NPAS3: variants seen among roughly 807,000 people sequenced by gnomAD.
NPAS3 encodes neuronal PAS domain protein 3, also known as neuronal PAS domain-containing protein 3.
NPAS3 carries 14 observed loss-of-function variants against 73.1 expected under a neutral mutation model. The ratio of observed to expected loss-of-function variants is 0.19; its 90% CI spans 0.13 to 0.30. The LOEUF is 0.30. Among genes scored for constraint, NPAS3 ranks in the 10% least tolerant of loss-of-function variants. The probability of loss-of-function intolerance (pLI) is 1.00; values close to 1 mark genes in which losing one functional copy is unlikely to be tolerated. For missense variants in NPAS3, 1,096 were observed against 1,250.0 expected, an observed-to-expected ratio of 0.88 and a Z score of 1.86; for synonymous variants, 620 against 541.5, an observed-to-expected ratio of 1.14 and a Z score of -2.01.
intron 2 of NPAS3, among the ~76,000 whole-genome samples, chr14:33,063,694 A>G (rs958163621): frequency 1.2e-4 from 19 of 152,292 alleles, no homozygotes; most frequent in Non-Finnish European, 2.4e-4. Context: ...AGCTGCAAAT[A>G]TTTACAATCT....
intron 6 of NPAS3, chr14:33,681,067 T>A (rs1306593187): frequency 1.3e-5 from 2 of 156,368 alleles, no homozygotes; most frequent in African/African-American, 4.8e-5. Flanking sequence ...GGTAAATTGC[T>A]GACTACTCCT....
At chr14:33,197,946 G>C (rs1293423974) in intron 2 of NPAS3, among the ~76,000 whole-genome samples, 2 of 152,178 alleles carry the variant, frequency 1.3e-5, no homozygotes, top group African/African-American at 4.8e-5. Flanking sequence ...CTGATGTTCG[G>C]ACGTGTTCGG....
chr14:33,617,015 G>A (rs981318301), intron 5 of NPAS3, among the ~76,000 whole-genome samples: 6 of 152,178 alleles, frequency 3.9e-5, no homozygotes, highest in Non-Finnish European at 5.9e-5. Flanking sequence ...CTTGCCTGCA[G>A]CACCTTCACT....
At chr14:33,026,010 A>T (rs1455688900) in intron 1 of NPAS3, among the ~76,000 whole-genome samples, 1 of 152,200 alleles carries the variant, frequency 6.6e-6, no homozygotes, top group Non-Finnish European at 1.5e-5. Flanking sequence ...TTAAAATAAG[A>T]TGTTTTAATT....
At chr14:33,379,214 CTTTT>C (rs899836979) in intron 4 of NPAS3, among the ~76,000 whole-genome samples, 3 of 145,724 alleles carry the variant, frequency 2.1e-5, no homozygotes, top group Non-Finnish European at 4.5e-5. Flanking sequence ...TGGTCCCAAG[CTTTT>C]TTTTTTTCTT....
intron 4 of NPAS3, among the ~76,000 whole-genome samples, chr14:33,392,481 T>C (rs2047049572): frequency 6.6e-6 from 1 of 152,174 alleles, no homozygotes; most frequent in South Asian, 2.1e-4. Context: ...AATTGACATA[T>C]AAATTTTAAT....
chr14:33,479,297 A>G (rs978006801), intron 4 of NPAS3, among the ~76,000 whole-genome samples: 5 of 152,042 alleles, frequency 3.3e-5, no homozygotes, highest in Non-Finnish European at 7.4e-5. Flanking sequence ...TAATAAATAT[A>G]TATGCTTTGC....
intron 4 of NPAS3, among the ~76,000 whole-genome samples, chr14:33,395,456 G>A (rs190350039): frequency 7.7e-4 from 117 of 151,518 alleles, no homozygotes; most frequent in Non-Finnish European, 1.3e-3. Flanking sequence ...CACCACTTGG[G>A]ATACATTTGT....
chr14:32,969,441 G>T (rs141371675), intron 1 of NPAS3, among the ~76,000 whole-genome samples: 100 of 152,250 alleles, frequency 6.6e-4, no homozygotes, highest in Non-Finnish European at 1.1e-3. Context: ...AGGAAAAAAT[G>T]TACTAATAAT....
intron 1 of NPAS3, among the ~76,000 whole-genome samples, chr14:32,964,955 G>C (rs767808112): frequency 6.6e-6 from 1 of 152,146 alleles, no homozygotes; most frequent in Non-Finnish European, 1.5e-5. Flanking sequence ...GGGTGACAGA[G>C]CAAGACCCTG....
chr14:33,557,173 C>G (rs892822611), intron 4 of NPAS3, among the ~76,000 whole-genome samples: 4 of 96,396 alleles, frequency 4.1e-5, no homozygotes, highest in African/African-American at 1.4e-4. Flanking sequence ...AGTGAGGTTC[C>G]GCTATACTAC....
intron 4 of NPAS3, among the ~76,000 whole-genome samples, chr14:33,534,126 G>T (rs138825830): frequency 6.6e-6 from 1 of 151,098 alleles, no homozygotes; most frequent in Non-Finnish European, 1.5e-5. Context: ...ATTTACAGCC[G>T]CCTGCTGACT....
intron 1 of NPAS3, among the ~76,000 whole-genome samples, chr14:32,980,634 T>C (rs1236109820): frequency 6.6e-6 from 1 of 152,210 alleles, no homozygotes; most frequent in African/African-American, 2.4e-5. Context: ...CATGTGAAAG[T>C]CTGAATAAAA....
At chr14:33,743,930 A>C (rs898979081) in intron 7 of NPAS3, among the ~76,000 whole-genome samples, 5 of 152,230 alleles carry the variant, frequency 3.3e-5, no homozygotes, top group African/African-American at 1.2e-4. Flanking sequence ...CTCAGCCTTC[A>C]TAGAATTGAA....
chr14:33,130,922 G>T (rs2043612893), intron 2 of NPAS3, among the ~76,000 whole-genome samples: 2 of 152,082 alleles, frequency 1.3e-5, no homozygotes, highest in South Asian at 2.1e-4. Context: ...CAATTTTTCA[G>T]CCAGGACAGG....
chr14:33,800,831 A>C lies in NPAS3; in HGVS notation c.2524A>C (p.Ser842Arg). ...CGCCGAGGTGACCCTGGCCATGCAG[A>C]GCAACCTGCTGCCCAACGCGCACGC... Residue 842 changes from serine to arginine, a missense_variant, in exon 12 of 12, where the codon AGC becomes CGC. Physicochemically the swap from Ser to Arg is moderately radical, Grantham distance 110. Coordinates refer to ENST00000356141, the Ensembl canonical transcript of NPAS3. This position sits in a 1 kb window ranked among gnomAD's most constrained non-coding sequence, Gnocchi z 6.5. 1.2e-6 allele frequency: 2 copies of C among 1,603,568 alleles called. No individual in the cohort carries two copies. Among genetic ancestry groups the C allele is most frequent in the Non-Finnish European group, 8.5e-7 (1 of 1,175,648 alleles).
chr14:33,648,125 A>C (rs1012512702), intron 5 of NPAS3, among the ~76,000 whole-genome samples: 1 of 152,196 alleles, frequency 6.6e-6, no homozygotes, highest in African/African-American at 2.4e-5. Context: ...AAGGGAACAG[A>C]TCGAGACTAG....
rs766542137 is a variant in NPAS3 at position 32,943,195 on chromosome 14, A to G, written c.50+3829A>G. Among the ~76,000 whole-genome samples the G allele has an allele frequency of 2.0e-5, 3 of 152,000 alleles. No individual in the cohort carries two copies. The South Asian group carries it at 6.2e-4, about 32-fold the overall frequency. ...GATACTTTTTTTTTTTTAAAGTTACATGAGGTGTTTTCACCTAGTAGTGTT... is the reference window on the plus strand; with the variant it reads ...GATACTTTTTTTTTTTTAAAGTTACGTGAGGTGTTTTCACCTAGTAGTGTT... On this transcript the variant is annotated intron_variant, in intron 1 of 11. Coordinates refer to ENST00000356141, the Ensembl canonical transcript of NPAS3.
intron 4 of NPAS3, among the ~76,000 whole-genome samples, chr14:33,523,260 T>A (rs2053637534): frequency 6.6e-6 from 1 of 152,008 alleles, no homozygotes; most frequent in Non-Finnish European, 1.5e-5. Flanking sequence ...ACTGGTTTGA[T>A]AGAAAGAGAA....
Sources: allele counts gnomAD v4.1 joint callset (sites outside exome capture counted in the v4.1 genomes callset), GRCh38; gene constraint gnomAD v4.1.1; non-coding constraint Gnocchi (gnomAD v3.1); transcripts MANE v1.5; gene names NCBI Gene and HGNC (gene_info 2026-07-23, HGNC 2026-07-21).